LXN: variants seen among roughly 807,000 people sequenced by gnomAD.
LXN encodes the protein MUM.
Under a neutral mutation model 29.8 loss-of-function variants are expected in LXN, and 28 were observed. That is an observed-to-expected ratio of 0.94 (90% CI 0.70 to 1.29). The LOEUF (loss-of-function observed/expected upper bound fraction) is 1.29. LXN is among the 50% of genes most tolerant of loss of function. The pLI is 0.00. For synonymous variants in LXN, 77 were observed against 89.6 expected (o/e 0.86, Z 0.80); for missense variants, 227 against 261.7 (o/e 0.87, Z 0.92).
chr3:158,672,552 T>C lies in LXN; in HGVS notation c.-74A>G, dbSNP rs1299741117. 1.9e-6 allele frequency: 3 copies of C among 1,578,858 alleles called. No individual in the cohort carries two copies. The highest frequency in any genetic ancestry group is 2.7e-5 in the African/African-American group (2 of 74,168). On this transcript the variant is annotated 5_prime_UTR_variant, in exon 1 of 6. Transcript: ENST00000264265. ...ACCAGTAGCAGAGCGCCGCCCGTCC[T>C]GCTTGCTGCTGGGTCCGGTTGCCGA...
At position 158,672,504 on chromosome 3, in the gene LXN, T is replaced by C. The variant is rs755649841; in HGVS notation, c.-26A>G. On this transcript the variant is annotated 5_prime_UTR_variant, in exon 1 of 6. Coordinates refer to ENST00000264265, the MANE Select transcript of LXN (RefSeq NM_020169.4). ...TCCGGATGAGCAGTGACTTCAGGGC[T>C]TGGGCTACTCTGGCTTAACGGGACC... is the stretch of plus-strand genomic sequence containing the variant. 2.5e-5 allele frequency: 41 copies of C among 1,612,918 alleles called. No homozygotes were observed. The Admixed American group carries it at 3.7e-4, about 14-fold the overall frequency.
chr3:158,669,483 T>C lies in LXN; in HGVS notation c.320A>G (p.Tyr107Cys). ...KNPDEEDNTFYQRLKSMKEPL... is the reference protein window; with the variant it reads ...KNPDEEDNTFCQRLKSMKEPL... ...TTCCTTCATGGACTTAAGTCTTTGA[T>C]AAAATGTGTTGTCTTCTTCATCTGG... Residue 107 changes from tyrosine (Y) to cysteine (C), a missense_variant, in exon 3 of 6, where the codon TAT (tyrosine) becomes TGT (cysteine). By Grantham distance (194) the Tyr-to-Cys change is radical. Transcript: ENST00000264265. 5.0e-6 allele frequency: 8 copies of C among 1,613,974 alleles called. No individual in the cohort carries two copies. The highest frequency in any genetic ancestry group is 6.8e-6 in the Non-Finnish European group (8 of 1,179,906).
At chr3:158,667,259 C>G (rs920169770) in intron 4 of LXN, among the ~76,000 whole-genome samples, 185 bp from the exon 5 acceptor site, 1 of 152,130 alleles carries the variant, frequency 6.6e-6, no homozygotes, top group Non-Finnish European at 1.5e-5. Flanking sequence ...ATAAAGTGTT[C>G]TTTCAAGATG....
chr3:158,669,358 A>G, intron 3 of LXN, 75 bp downstream of exon 3: 1 of 1,431,490 alleles, frequency 7.0e-7, no homozygotes, highest in South Asian at 1.3e-5. Context: ...AGCAACTAAC[A>G]ATTTTAAGCA....
intron 4 of LXN, among the ~76,000 whole-genome samples, 173 bp downstream of exon 4, chr3:158,668,823 C>G (rs563243334): frequency 6.6e-6 from 1 of 152,314 alleles, no homozygotes; most frequent in South Asian, 2.1e-4. Context: ...TTGGACTCTT[C>G]CTACAATTCT....
In LXN at chr3:158,667,079, G is replaced by A. The variant is rs1489773018; in HGVS notation, c.508-5C>T. On this transcript the variant is annotated splice_region_variant and splice_polypyrimidine_tract_variant and intron_variant, in intron 4 of 5. Coordinates refer to ENST00000264265, the MANE Select transcript of LXN (RefSeq NM_020169.4). ...AATAAAGTCATCATTTCTTTGCTATGACAAAAAATAAAAACGTGTTGTTTA... is the reference window on the plus strand; with the variant it reads ...AATAAAGTCATCATTTCTTTGCTATAACAAAAAATAAAAACGTGTTGTTTA... 4 of 1,573,950 alleles carry A rather than the reference G, an allele frequency of 2.5e-6. No homozygotes were observed. Among genetic ancestry groups the A allele is most frequent in the Admixed American group, 2.0e-5 (1 of 50,474 alleles).
At position 158,670,942 on chromosome 3, in the gene LXN, A is replaced by AGAAAAAG; in HGVS notation, c.192+14_192+15insCTTTTTC. The AGAAAAAG allele has an allele frequency of 6.5e-7, 1 of 1,533,630 alleles. No individual in the cohort carries two copies. The highest frequency in any genetic ancestry group is 8.8e-7 in the Non-Finnish European group (1 of 1,141,500). On this transcript the variant is annotated intron_variant, in intron 2 of 5. Coordinates refer to ENST00000264265, the MANE Select transcript of LXN (RefSeq NM_020169.4). ...AGTGAGACCCTGTCTCAAAGAAAAA[A>AGAAAAAG]GAAATTTAACTTACTTTTTGTATAA... is the stretch of plus-strand genomic sequence containing the variant.
rs987330267 is a variant in LXN, at chr3:158,672,568, C to G, written c.-90G>C. Reference sequence around the variant, plus strand: ...CGCCCGTCCTGCTTGCTGCTGGGTCCGGTTGCCGAGGCGGAAAAGTCGCAA... The same window carrying G: ...CGCCCGTCCTGCTTGCTGCTGGGTCGGGTTGCCGAGGCGGAAAAGTCGCAA... On this transcript the variant is annotated 5_prime_UTR_variant, in exon 1 of 6. Coordinates refer to ENST00000264265, the MANE Select transcript of LXN (RefSeq NM_020169.4). 7.8e-6 allele frequency: 12 copies of G among 1,539,036 alleles called. No individual in the cohort carries two copies. The highest frequency in any genetic ancestry group is 1.4e-5 in the African/African-American group (1 of 73,082).
At chr3:158,670,732 C>T (rs1373768761) in intron 2 of LXN, among the ~76,000 whole-genome samples, 1 of 152,076 alleles carries the variant, frequency 6.6e-6, no homozygotes, top group Non-Finnish European at 1.5e-5. Flanking sequence ...CTTGGTAGCT[C>T]ATGCTTGTAA....
chr3:158,667,248 A>C (rs1372242142), intron 4 of LXN, among the ~76,000 whole-genome samples, 174 bp from the exon 5 acceptor site: 2 of 152,342 alleles, frequency 1.3e-5, no homozygotes, highest in East Asian at 3.9e-4. Context: ...TCTTACACTA[A>C]ATAAAGTGTT....
At chr3:158,667,344 T>TA (rs1265408570) in intron 4 of LXN, among the ~76,000 whole-genome samples, 23 of 152,384 alleles carry the variant, frequency 1.5e-4, no homozygotes, top group Non-Finnish European at 8.8e-5. Flanking sequence ...TTGTGGTGGC[T>TA]ACTTAAGAGA....
chr3:158,669,694 AG>A, intron 2 of LXN, 84 bp from the exon 3 acceptor site: 1 of 1,328,866 alleles, frequency 7.5e-7, no homozygotes. Flanking sequence ...TTTAAAGCAT[AG>A]GCTCCTAATG....
At chr3:158,669,403 A>T in intron 3 of LXN, 30 bp downstream of exon 3, 2 of 1,578,254 alleles carry the variant, frequency 1.3e-6, no homozygotes, top group Non-Finnish European at 1.7e-6. Context: ...TTTGAATCAA[A>T]CAAATGGTTT....
At chr3:158,668,133 A>G (rs1004547324) in intron 4 of LXN, among the ~76,000 whole-genome samples, 3 of 152,198 alleles carry the variant, frequency 2.0e-5, no homozygotes, top group Non-Finnish European at 2.9e-5. Flanking sequence ...GTCCCTTAGT[A>G]TCCATGGAGG....
In LXN at chr3:158,666,570, C is replaced by A; in HGVS notation, c.*76G>T. The A allele has an allele frequency of 4.4e-6, 6 of 1,368,992 alleles. No homozygotes were observed. Among genetic ancestry groups the A allele is most frequent in the Non-Finnish European group, 6.2e-6 (6 of 961,844 alleles). 84.8% of individuals were successfully genotyped at this position (1,368,992 alleles called of 1,614,324 possible). A position where few individuals can be genotyped will look rare whatever the true frequency, so the allele number is the denominator to read the frequency against. On this transcript the variant is annotated 3_prime_UTR_variant, in exon 6 of 6. Coordinates refer to ENST00000264265, the MANE Select transcript of LXN (RefSeq NM_020169.4). ...AAGTGACACTTTGGGATTATTTGGC[C>A]TCATAAGCTAGATGCCAGTGAAATT... is the stretch of plus-strand genomic sequence containing the variant.
rs747481580 is a variant in LXN at position 158,666,720 on chromosome 3, C to T, written c.595G>A (p.Val199Ile). Residue 199 changes from valine (V) to isoleucine (I), a missense_variant, in exon 6 of 6, where the codon GTT becomes ATT. Transcript: ENST00000264265. ...SQEIIPWQMQ[V>I]LWHPQYGTKV... ...GTGCCGTATTGTGGATGCCAGAGAA[C>T]TTGCATTTGCCAGGGAATAATCTCC... 4.2e-5 allele frequency: 68 copies of T among 1,613,852 alleles called. No individual in the cohort carries two copies. In the East Asian group the frequency reaches 1.5e-3, roughly 35 times the overall value.
intron 3 of LXN, 147 bp from the exon 4 acceptor site, chr3:158,669,279 G>C: frequency 2.5e-6 from 3 of 1,190,426 alleles, no homozygotes; most frequent in Non-Finnish European, 3.5e-6. Context: ...AATTTCTGAG[G>C]CCTCTTTTTT....
chr3:158,669,094 G>T lies in LXN; in HGVS notation c.409C>A (p.Leu137Ile). ...CCACAGGCAACCCAGGCTAAATGTAGAACGAGCGTCATTTCTGGAGATACA... is the reference window on the plus strand; with the variant it reads ...CCACAGGCAACCCAGGCTAAATGTATAACGAGCGTCATTTCTGGAGATACA... The part of the protein sequence containing the change: ...GNVSPEMTLV[L>I]HLAWVACGYI... The change falls in exon 4 of 6, where the codon CTA becomes ATA. Residue 137 changes from leucine (L) to isoleucine (I), a missense_variant. Leu to Ile is a conservative substitution (Grantham distance 5). Coordinates refer to ENST00000264265, the MANE Select transcript of LXN (RefSeq NM_020169.4). 6.2e-7 allele frequency: 1 copy of T among 1,613,160 alleles called. No individual in the cohort carries two copies. Among genetic ancestry groups the T allele is most frequent in the Non-Finnish European group, 8.5e-7 (1 of 1,179,740 alleles).
chr3:158,671,405 AAAT>A (rs1170381137), intron 1 of LXN, among the ~76,000 whole-genome samples: 1 of 152,252 alleles, frequency 6.6e-6, no homozygotes, highest in East Asian at 1.9e-4. Flanking sequence ...TGTACCCTCC[AAAT>A]AATGTTCAAT....
Sources: gnomAD v4.1 joint callset for allele counts (sites outside exome capture counted in the v4.1 genomes callset) on GRCh38, gnomAD v4.1.1 for gene constraint, MANE v1.5 for transcripts, NCBI Gene and HGNC (gene_info 2026-07-23, HGNC 2026-07-21) for gene names.